The following CAST variants were observed in gnomAD, a reference collection of about 807,000 sequenced individuals.
CAST encodes calpastatin.
Under a neutral mutation model 119.6 loss-of-function variants are expected in CAST, and 76 were observed. That is an observed-to-expected ratio of 0.64 (90% CI 0.53 to 0.77). CAST has a LOEUF of 0.77. Ranked by LOEUF, CAST falls within the 30% of genes least tolerant of loss-of-function variation. The pLI, the probability that CAST is intolerant of heterozygous loss-of-function variation, is 0.00. For synonymous variants in CAST, 319 were observed against 331.6 expected (o/e 0.96, Z 0.41); for missense variants, 953 against 946.5 (o/e 1.01, Z -0.09).
intron 1 of CAST, among the ~76,000 whole-genome samples, chr5:96,670,458 C>G (rs1261792041): frequency 6.6e-6 from 1 of 152,138 alleles, no homozygotes; most frequent in African/African-American, 2.4e-5. Flanking sequence ...GGCTGCTTTT[C>G]TGTCTTCTTG....
chr5:96,457,141 C>T, the CAST span, among the ~76,000 whole-genome samples: 1 of 152,162 alleles, frequency 6.6e-6, no homozygotes, highest in African/African-American at 2.4e-5. Flanking sequence ...TTAGCATCCT[C>T]CCTGATTTCT....
chr5:96,661,252 A>T (rs13169890), upstream of CAST, among the ~76,000 whole-genome samples: 1 of 108,392 alleles, frequency 9.2e-6, no homozygotes. Context: ...CCCCGTCTCT[A>T]CCATTAAAAA....
At chr5:96,743,326 A>C (rs1763071138) in intron 16 of CAST, among the ~76,000 whole-genome samples, 1 of 152,208 alleles carries the variant, frequency 6.6e-6, no homozygotes, top group African/African-American at 2.4e-5. Context: ...TGGTGTACGA[A>C]AGTTTTAATA....
chr5:95,973,242 C>T, the CAST span: 2 of 181,660 alleles, frequency 1.1e-5, no homozygotes, highest in Admixed American at 4.9e-5. Flanking sequence ...ACTTCTCCAC[C>T]AGGGTACAAG....
the CAST span, among the ~76,000 whole-genome samples, chr5:96,140,204 C>A: frequency 6.6e-6 from 1 of 152,182 alleles, no homozygotes; most frequent in African/African-American, 2.4e-5. Context: ...GCTCTTGGAA[C>A]TTCTGAATTT....
chr5:96,419,310 G>GATAT, the CAST span, among the ~76,000 whole-genome samples: 5 of 142,200 alleles, frequency 3.5e-5, no homozygotes, highest in East Asian at 2.0e-4. Flanking sequence ...TATTAAGTGA[G>GATAT]ATATATATAT....
At chr5:96,182,946 G>T in the CAST span, among the ~76,000 whole-genome samples, 4 of 151,956 alleles carry the variant, frequency 2.6e-5, no homozygotes, top group Admixed American at 2.6e-4. Context: ...AGACCATCCT[G>T]GCTAACACAG....
chr5:96,296,399 C>T, the CAST span, among the ~76,000 whole-genome samples: 1 of 152,132 alleles, frequency 6.6e-6, no homozygotes, highest in Non-Finnish European at 1.5e-5. Flanking sequence ...TAAACCTATC[C>T]TAGTTTGATT....
At chr5:96,497,898 A>G in the CAST span, among the ~76,000 whole-genome samples, 1 of 151,938 alleles carries the variant, frequency 6.6e-6, no homozygotes, top group Non-Finnish European at 1.5e-5. Flanking sequence ...GGCTTTTGTT[A>G]CCCTTGCTTT....
At chr5:96,364,320 T>G in the CAST span, among the ~76,000 whole-genome samples, 1 of 152,234 alleles carries the variant, frequency 6.6e-6, no homozygotes, top group Non-Finnish European at 1.5e-5. Context: ...CTGCCAGGCT[T>G]TGGTATCAGG....
At chr5:96,736,286 G>A in intron 10 of CAST, 46 bp downstream of exon 10, 1 of 1,175,954 alleles carries the variant, frequency 8.5e-7, no homozygotes, top group East Asian at 2.4e-5. Flanking sequence ...TTACTCATAT[G>A]CTCTGTATTT....
At chr5:96,352,400 C>A in the CAST span, among the ~76,000 whole-genome samples, 1 of 152,036 alleles carries the variant, frequency 6.6e-6, no homozygotes, top group African/African-American at 2.4e-5. Flanking sequence ...GTGGAAGGGG[C>A]TCCAAGAAAT....
chr5:96,224,934 A>G, the CAST span, among the ~76,000 whole-genome samples: 1 of 152,288 alleles, frequency 6.6e-6, no homozygotes, highest in South Asian at 2.1e-4. Context: ...CCCCTAAATT[A>G]ATTGGGGTAT....
chr5:96,082,088 A>G, the CAST span, among the ~76,000 whole-genome samples: 1 of 152,004 alleles, frequency 6.6e-6, no homozygotes, highest in African/African-American at 2.4e-5. Context: ...TAATTTTTGT[A>G]TTTTTAGTAG....
chr5:96,636,133 C>G (rs1163210045), intron 1 of CAST, among the ~76,000 whole-genome samples: 1 of 152,172 alleles, frequency 6.6e-6, no homozygotes, highest in Admixed American at 6.5e-5. Context: ...AAAAAGTACT[C>G]CCCACTGAGT....
At chr5:96,093,035 G>T in the CAST span, among the ~76,000 whole-genome samples, 1 of 152,106 alleles carries the variant, frequency 6.6e-6, no homozygotes. Context: ...TTCAGATATT[G>T]TTATTCTTAA....
intron 1 of CAST, among the ~76,000 whole-genome samples, chr5:96,664,908 C>T (rs1749122135): frequency 6.6e-6 from 1 of 152,130 alleles, no homozygotes; most frequent in African/African-American, 2.4e-5. Context: ...GTACCATGTA[C>T]CTTATCTGCA....
At chr5:96,103,815 C>A in the CAST span, among the ~76,000 whole-genome samples, 3 of 151,024 alleles carry the variant, frequency 2.0e-5, no homozygotes, top group African/African-American at 7.3e-5. Context: ...ACAGTCCCAC[C>A]AACAGTGTAA....
intron 1 of CAST, among the ~76,000 whole-genome samples, chr5:96,534,475 T>A (rs1464046596): frequency 2.0e-5 from 3 of 151,238 alleles, no homozygotes; most frequent in Non-Finnish European, 4.4e-5. Context: ...TCAAAACCAG[T>A]CTGACCAACA....
Sources: allele counts gnomAD v4.1 joint callset (sites outside exome capture counted in the v4.1 genomes callset), GRCh38; gene constraint gnomAD v4.1.1; transcripts MANE v1.5; gene names NCBI Gene and HGNC (gene_info 2026-07-23, HGNC 2026-07-21).